CCDC7: variants seen among roughly 807,000 people sequenced by gnomAD.
CCDC7 encodes the protein coiled-coil domain-containing protein 7.
In CCDC7, 183 loss-of-function variants were observed where a neutral mutation model predicts 196.9. The ratio of observed to expected loss-of-function variants is 0.93; its 90% CI spans 0.82 to 1.05. CCDC7 has a LOEUF of 1.05. CCDC7 is among the 50% of genes least tolerant of loss of function. CCDC7 has a pLI of 0.00. For missense variants in CCDC7, 1,540 were observed against 1,482.2 expected, an observed-to-expected ratio of 1.04 and a Z score of -0.64; for synonymous variants, 525 against 484.6, an observed-to-expected ratio of 1.08 and a Z score of -1.10.
At chr10:32,536,948 T>C (rs1337180883) in intron 11 of CCDC7, among the ~76,000 whole-genome samples, 1 of 152,352 alleles carries the variant, frequency 6.6e-6, no homozygotes, top group African/African-American at 2.4e-5. Context: ...TGAATAGTGC[T>C]GCAATAAACA....
chr10:32,763,625 A>T (rs1470717272), intron 28 of CCDC7, among the ~76,000 whole-genome samples: 1 of 151,982 alleles, frequency 6.6e-6, no homozygotes, highest in Non-Finnish European at 1.5e-5. Flanking sequence ...GTGTTCTCAT[A>T]CAATGGAATA....
At chr10:32,790,216 C>T (rs915656329) in intron 29 of CCDC7, among the ~76,000 whole-genome samples, 6 of 152,202 alleles carry the variant, frequency 3.9e-5, no homozygotes, top group Non-Finnish European at 7.3e-5. Flanking sequence ...ACTCCACGGC[C>T]CGCTCAGCAT....
intron 11 of CCDC7, among the ~76,000 whole-genome samples, chr10:32,525,118 G>A (rs546957123): frequency 2.1e-4 from 32 of 151,714 alleles, no homozygotes; most frequent in East Asian, 1.7e-3. Flanking sequence ...ATGGGGGAGG[G>A]ATAGCATTGG....
chr10:32,740,936 AG>A (rs144044312), intron 28 of CCDC7, among the ~76,000 whole-genome samples: 51,946 of 151,764 alleles, frequency 0.34, 11,259 homozygotes, highest in Non-Finnish European at 0.49. Flanking sequence ...ACAAAACTGA[AG>A]ATAATATTAA....
intron 10 of CCDC7, among the ~76,000 whole-genome samples, 186 bp downstream of exon 11, chr10:32,518,161 C>T (rs961926745): frequency 1.3e-5 from 2 of 152,172 alleles, no homozygotes; most frequent in Admixed American, 6.5e-5. Flanking sequence ...CTCTCATTAT[C>T]ACTCAGAAAC....
chr10:32,670,464 A>C (rs1156351013), intron 21 of CCDC7, among the ~76,000 whole-genome samples: 1 of 151,750 alleles, frequency 6.6e-6, no homozygotes, highest in South Asian at 2.1e-4. Context: ...ATATGTATAC[A>C]TGTGCCATGC....
At chr10:32,627,882 G>T (rs2064280009) in intron 18 of CCDC7, among the ~76,000 whole-genome samples, 1 of 151,804 alleles carries the variant, frequency 6.6e-6, no homozygotes. Context: ...CTTGATAGGT[G>T]ATACCGTTAA....
chr10:32,574,249 T>A (rs1485504198), intron 16 of CCDC7, among the ~76,000 whole-genome samples: 1 of 150,404 alleles, frequency 6.6e-6, no homozygotes, highest in Admixed American at 6.6e-5. Flanking sequence ...TGAAATAGGT[T>A]GTTTCAGCTT....
chr10:32,824,703 A>G, intron 32 of CCDC7, 99 bp downstream of exon 33: 1 of 682,282 alleles, frequency 1.5e-6, no homozygotes, highest in Non-Finnish European at 2.4e-6. Context: ...TGTAATTATC[A>G]CGTGAGAAAA....
intron 20 of CCDC7, among the ~76,000 whole-genome samples, chr10:32,661,753 T>A (rs1049523581): frequency 6.6e-6 from 1 of 152,198 alleles, no homozygotes; most frequent in Non-Finnish European, 1.5e-5. Context: ...GTATCCAAGA[T>A]ACAAGATGAA....
intron 25 of CCDC7, among the ~76,000 whole-genome samples, chr10:32,722,454 G>A (rs145303790): frequency 0.011 from 1,617 of 152,138 alleles, 12 homozygotes; most frequent in Non-Finnish European, 0.017. Flanking sequence ...CTAGAAGTCT[G>A]GGATCAAGGT....
At chr10:32,582,066 CTGTT>C (rs2058772566) in intron 16 of CCDC7, among the ~76,000 whole-genome samples, 1 of 141,752 alleles carries the variant, frequency 7.1e-6, no homozygotes, top group South Asian at 2.2e-4. Flanking sequence ...CTACAAAAGT[CTGTT>C]TGTCATAAAT....
At chr10:32,751,350 T>A (rs117409274) in intron 28 of CCDC7, among the ~76,000 whole-genome samples, 1 of 152,030 alleles carries the variant, frequency 6.6e-6, no homozygotes. Context: ...GTACCGAAAC[T>A]TTTTTCTCTG....
intron 3 of CCDC7, among the ~76,000 whole-genome samples, chr10:32,460,243 C>T (rs1290565377): frequency 6.6e-6 from 1 of 152,090 alleles, no homozygotes; most frequent in Non-Finnish European, 1.5e-5. Context: ...TATTTAATCA[C>T]ATGAAGGATT....
At chr10:32,497,604 T>G (rs2043118945) in intron 9 of CCDC7, among the ~76,000 whole-genome samples, 2 of 152,182 alleles carry the variant, frequency 1.3e-5, no homozygotes, top group African/African-American at 2.4e-5. Flanking sequence ...TTTATTCTCA[T>G]TGGTTTCAAA....
intron 39 of CCDC7, among the ~76,000 whole-genome samples, chr10:32,851,566 T>G (rs1344914492): frequency 6.6e-6 from 1 of 152,156 alleles, no homozygotes; most frequent in Non-Finnish European, 1.5e-5. Context: ...TAAATATGCT[T>G]TATCTTATGT....
At chr10:32,801,641 G>T (rs1217546095) in intron 29 of CCDC7, among the ~76,000 whole-genome samples, 1 of 152,126 alleles carries the variant, frequency 6.6e-6, no homozygotes, top group Non-Finnish European at 1.5e-5. Flanking sequence ...CAACTCCAGG[G>T]GTCTGCCAGG....
At chr10:32,569,395 A>G (rs943715791) in intron 15 of CCDC7, among the ~76,000 whole-genome samples, 4 of 152,140 alleles carry the variant, frequency 2.6e-5, no homozygotes, top group African/African-American at 9.6e-5. Context: ...ATTTGATGCT[A>G]TTCTGAAGGA....
chr10:32,595,026 C>G lies in CCDC7; in HGVS notation c.1801+10722C>G, dbSNP rs190737628. Among the ~76,000 whole-genome samples, 49 of 151,942 alleles carry G rather than the reference C, an allele frequency of 3.2e-4. 1 individual carries two copies. The East Asian group carries it at 9.1e-3, about 28-fold the overall frequency. ...TAAAATTCTCTTTTTTTGTTGTATC[C>G]CTGCTAGGCTTTGGTATCAGGATGA... On this transcript the variant is annotated intron_variant, in intron 18 of 41. Transcript: ENST00000639629.
Sources: allele counts gnomAD v4.1 joint callset (sites outside exome capture counted in the v4.1 genomes callset), GRCh38; gene constraint gnomAD v4.1.1; transcripts MANE v1.5; gene names NCBI Gene and HGNC (gene_info 2026-07-23, HGNC 2026-07-21).